The following ARMC8 variants were observed in gnomAD, a reference collection of about 807,000 sequenced individuals.
The protein encoded by ARMC8 is armadillo repeat containing 8.
A neutral mutation model predicts 99.3 loss-of-function variants in ARMC8; 20 were observed. That is an observed-to-expected ratio of 0.20 (90% CI 0.14 to 0.29). The LOEUF (loss-of-function observed/expected upper bound fraction) is 0.29. Among genes scored for constraint, ARMC8 ranks in the 10% least tolerant of loss-of-function variants. ARMC8 has a pLI of 1.00. For synonymous variants in ARMC8, 263 were observed against 278.3 expected (o/e 0.95, Z 0.55); for missense variants, 569 against 809.5 (o/e 0.70, Z 3.60).
chr3:138,281,766 C>G (rs566676777), intron 18 of ARMC8, among the ~76,000 whole-genome samples: 12 of 152,242 alleles, frequency 7.9e-5, no homozygotes, highest in African/African-American at 2.4e-4. Context: ...CTGACCTGGT[C>G]TATTCTGAGG....
At chr3:138,284,309 A>T in intron 18 of ARMC8, 122 bp from the exon 19 acceptor site, 1 of 704,658 alleles carries the variant, frequency 1.4e-6, no homozygotes, top group East Asian at 2.5e-5. Flanking sequence ...AAATCAGGGC[A>T]TTGAGAGTGG....
intron 7 of ARMC8, among the ~76,000 whole-genome samples, chr3:138,237,010 C>T (rs1406663853): frequency 2.0e-5 from 3 of 152,104 alleles, no homozygotes; most frequent in African/African-American, 7.2e-5. Flanking sequence ...ACTAAGTTCT[C>T]TTTGTCTTAC....
At chr3:138,193,058 T>G (rs553132818) in intron 1 of ARMC8, among the ~76,000 whole-genome samples, 7 of 152,260 alleles carry the variant, frequency 4.6e-5, no homozygotes, top group African/African-American at 1.7e-4. Context: ...AGCCTCTGCC[T>G]CCCAGGTTCA....
At chr3:138,214,184 A>T (rs919961925) in intron 2 of ARMC8, among the ~76,000 whole-genome samples, 6 of 151,796 alleles carry the variant, frequency 4.0e-5, no homozygotes, top group African/African-American at 1.5e-4. Context: ...AGGTTAGCAG[A>T]TATCCCTACA....
At chr3:138,263,115 A>C (rs375351062) in intron 12 of ARMC8, among the ~76,000 whole-genome samples, 1 of 152,272 alleles carries the variant, frequency 6.6e-6, no homozygotes, top group Non-Finnish European at 1.5e-5. Flanking sequence ...AGTCAAATTC[A>C]GTTTCCTTCA....
At position 138,229,144 on chromosome 3, in the gene ARMC8, A is replaced by G. The variant is rs1364942570; in HGVS notation, c.528+134A>G. 6.2e-4 allele frequency: 28 copies of G among 44,846 alleles called. 1 individual carries two copies. Among genetic ancestry groups the G allele is most frequent in the Middle Eastern group, 9.6e-3 (1 of 104 alleles). 2.8% of individuals were successfully genotyped at this position (44,846 alleles called of 1,614,324 possible). On this transcript the variant is annotated intron_variant, in intron 6 of 21. Transcript: ENST00000469044. Reference sequence around the variant, plus strand: ...CCTGTGTGTGTGCGTGTATATATATATATATATATATATATATATATATAT... The same window carrying G: ...CCTGTGTGTGTGCGTGTATATATATGTATATATATATATATATATATATAT...
intron 18 of ARMC8, among the ~76,000 whole-genome samples, chr3:138,279,440 C>A (rs547597030): frequency 2.6e-5 from 4 of 152,170 alleles, no homozygotes; most frequent in African/African-American, 4.8e-5. Flanking sequence ...TTGTTAGATT[C>A]AATTTACTGA....
chr3:138,201,222 A>C (rs79580878), intron 1 of ARMC8, among the ~76,000 whole-genome samples: 6,074 of 147,334 alleles, frequency 0.041, 391 homozygotes, highest in African/African-American at 0.14. Flanking sequence ...TTTTTTTTTT[A>C]ATGTTAGTTG....
intron 1 of ARMC8, among the ~76,000 whole-genome samples, chr3:138,206,581 C>A (rs763485686): frequency 6.6e-6 from 1 of 152,186 alleles, no homozygotes; most frequent in Non-Finnish European, 1.5e-5. Context: ...TTTAGGACTT[C>A]GCTCAAATGT....
At chr3:138,257,465 T>C (rs1216180556) in intron 12 of ARMC8, among the ~76,000 whole-genome samples, 1 of 152,206 alleles carries the variant, frequency 6.6e-6, no homozygotes, top group African/African-American at 2.4e-5. Context: ...GGTTTTCCAT[T>C]TGGGGCAATG....
At chr3:138,251,824 T>G (rs1185962291) in intron 12 of ARMC8, among the ~76,000 whole-genome samples, 1 of 152,230 alleles carries the variant, frequency 6.6e-6, no homozygotes, top group Non-Finnish European at 1.5e-5. Flanking sequence ...GTATGTCCCT[T>G]GCTTAAGCCA....
intron 1 of ARMC8, among the ~76,000 whole-genome samples, chr3:138,209,005 T>C (rs2044547371): frequency 1.3e-5 from 2 of 152,040 alleles, no homozygotes; most frequent in Non-Finnish European, 2.9e-5. Context: ...TGACAACTCC[T>C]TTATTTATTT....
At chr3:138,187,705 G>T in intron 1 of ARMC8, 106 bp downstream of exon 1, 1 of 1,263,744 alleles carries the variant, frequency 7.9e-7, no homozygotes, top group Non-Finnish European at 1.1e-6. Flanking sequence ...CCCCTGGGGT[G>T]GACCCCGGCT....
chr3:138,242,011 C>T (rs755927334), intron 11 of ARMC8, 28 bp downstream of exon 11: 2 of 1,593,316 alleles, frequency 1.3e-6, no homozygotes, highest in Admixed American at 1.7e-5. Context: ...TTTAGCAGCT[C>T]AAGGGAGATT....
rs573262706 is a variant in ARMC8, at chr3:138,296,734, A to G, written c.*842A>G. On this transcript the variant is annotated 3_prime_UTR_variant, in exon 22 of 22. Coordinates refer to ENST00000469044, the MANE Select transcript of ARMC8 (RefSeq NM_001363941.2). The stretch of plus-strand genomic sequence containing the variant: ...ATGGAGAAGTAAAGTGAGGCAACAG[A>G]TTCACCATAGGCTTTTTGAAGCATC... The G allele has an allele frequency of 1.3e-5, 2 of 152,326 alleles. No individual in the cohort carries two copies. Among genetic ancestry groups the G allele is most frequent in the East Asian group, 3.9e-4 (2 of 5,184 alleles). The allele number at this position is 152,326 out of a possible 1,614,324, so 9.4% of individuals were successfully genotyped here.
chr3:138,232,902 G>A (rs560088084), intron 6 of ARMC8, among the ~76,000 whole-genome samples: 1 of 152,274 alleles, frequency 6.6e-6, no homozygotes, highest in South Asian at 2.1e-4. Context: ...TGCCTACTTC[G>A]CTTTTGCTAA....
At chr3:138,234,436 G>A (rs2046227756) in intron 6 of ARMC8, among the ~76,000 whole-genome samples, 1 of 152,160 alleles carries the variant, frequency 6.6e-6, no homozygotes, top group South Asian at 2.1e-4. Context: ...AAAGAAAAAT[G>A]AGATAGAAAT....
intron 12 of ARMC8, among the ~76,000 whole-genome samples, chr3:138,250,331 A>C (rs1349194650): frequency 6.6e-6 from 1 of 152,158 alleles, no homozygotes; most frequent in Non-Finnish European, 1.5e-5. Context: ...GGAGATTAAA[A>C]AAATATATTT....
rs2051654010 is a variant in ARMC8 at position 138,298,215 on chromosome 3, C to CTT, written c.*2324_*2325insTT. On this transcript the variant is annotated 3_prime_UTR_variant, in exon 22 of 22. Coordinates refer to ENST00000469044, the MANE Select transcript of ARMC8 (RefSeq NM_001363941.2). ...TGCATTCTGTTTCTCCTTTTGTGCC[C>CTT]TGATTGTAATCCAAAATTTATGAAC... The CTT allele has an allele frequency of 6.6e-6, 1 of 152,180 alleles. No individual in the cohort carries two copies. Among genetic ancestry groups the CTT allele is most frequent in the Non-Finnish European group, 1.5e-5 (1 of 68,036 alleles). 9.4% of individuals were successfully genotyped at this position (152,180 alleles called of 1,614,324 possible).
Sources: allele counts gnomAD v4.1 joint callset (sites outside exome capture counted in the v4.1 genomes callset), GRCh38; gene constraint gnomAD v4.1.1; transcripts MANE v1.5; gene names NCBI Gene and HGNC (gene_info 2026-07-23, HGNC 2026-07-21).